The following PLXNA2 variants were observed in gnomAD, a reference collection of about 807,000 sequenced individuals.
PLXNA2 encodes the protein plexin-A2.
PLXNA2 carries 91 observed loss-of-function variants against 193.5 expected under a neutral mutation model. That is an observed-to-expected ratio of 0.47 (90% confidence interval 0.40 to 0.56). PLXNA2 has a LOEUF of 0.56. Among genes scored for constraint, PLXNA2 ranks in the 20% least tolerant of loss-of-function variants. PLXNA2 has a pLI of 0.00. For synonymous variants in PLXNA2, 997 were observed against 1,027.3 expected, an observed-to-expected ratio of 0.97 and a Z score of 0.56; for missense variants, 1,995 against 2,503.2, an observed-to-expected ratio of 0.80 and a Z score of 4.33.
chr1:208,152,279 C>G (rs1668789592), intron 3 of PLXNA2, among the ~76,000 whole-genome samples: 1 of 152,238 alleles, frequency 6.6e-6, no homozygotes, highest in Non-Finnish European at 1.5e-5. Flanking sequence ...AACACACACA[C>G]ACGTGGCATG....
intron 3 of PLXNA2, among the ~76,000 whole-genome samples, chr1:208,186,708 A>ATTTTGTTTTTTGTTTTTTGTTGT (rs368056918): frequency 8.1e-5 from 9 of 111,742 alleles, no homozygotes; most frequent in African/African-American, 2.7e-4. Context: ...TTGCAATGTT[A>ATTTTGTTTTTTGTTTTTTGTTGT]TTTTATTTTT....
chr1:208,051,798 C>A (rs889281367), intron 15 of PLXNA2, among the ~76,000 whole-genome samples: 2 of 152,194 alleles, frequency 1.3e-5, no homozygotes, highest in Admixed American at 1.3e-4. Flanking sequence ...ACAGTCCTTG[C>A]CCTTGTGGAA....
At chr1:208,085,408 C>T (rs1165736664) in intron 9 of PLXNA2, among the ~76,000 whole-genome samples, 4 of 152,164 alleles carry the variant, frequency 2.6e-5, no homozygotes, top group Non-Finnish European at 4.4e-5. Flanking sequence ...ATAGGAGGCT[C>T]CCCTTTCTCT....
chr1:208,084,238 G>T, intron 10 of PLXNA2, 142 bp downstream of exon 10: 2 of 821,484 alleles, frequency 2.4e-6, no homozygotes, highest in Non-Finnish European at 3.8e-6. Context: ...TGGGGTGCTG[G>T]CTGGCTCCTG....
chr1:208,116,611 G>T (rs1295302719), intron 4 of PLXNA2, among the ~76,000 whole-genome samples: 3 of 152,136 alleles, frequency 2.0e-5, no homozygotes, highest in Non-Finnish European at 1.5e-5. Context: ...ATAGCTGTTA[G>T]GGTCAGAAGA....
At chr1:208,116,591 C>T (rs770845067) in intron 4 of PLXNA2, among the ~76,000 whole-genome samples, 8 of 152,108 alleles carry the variant, frequency 5.3e-5, no homozygotes, top group Non-Finnish European at 1.0e-4. Flanking sequence ...TTTGGTGTCA[C>T]GGAAAGGACA....
At chr1:208,030,590 C>T (rs3828020) in intron 29 of PLXNA2, 4 of 985,372 alleles carry the variant, frequency 4.1e-6, no homozygotes, top group South Asian at 4.7e-5. Flanking sequence ...CCACAAGACC[C>T]GGGAGGAGGA....
chr1:208,037,158 A>G (rs1191618249), intron 26 of PLXNA2, among the ~76,000 whole-genome samples: 2 of 152,102 alleles, frequency 1.3e-5, no homozygotes, highest in Non-Finnish European at 2.9e-5. Context: ...CATTTTACAG[A>G]TGAGGAGCCC....
At chr1:208,078,544 C>G (rs571073035) in intron 12 of PLXNA2, among the ~76,000 whole-genome samples, 10 of 152,222 alleles carry the variant, frequency 6.6e-5, no homozygotes, top group South Asian at 4.2e-4. Context: ...CAGGAAAGTG[C>G]AGTTAGTTTC....
intron 2 of PLXNA2, among the ~76,000 whole-genome samples, chr1:208,210,749 A>G (rs1388859120): frequency 6.6e-6 from 1 of 152,200 alleles, no homozygotes; most frequent in Non-Finnish European, 1.5e-5. Context: ...TCAATTTGTA[A>G]AGCTAAGTGC....
At chr1:208,070,080 C>G (rs558987729) in intron 12 of PLXNA2, among the ~76,000 whole-genome samples, 4 of 152,284 alleles carry the variant, frequency 2.6e-5, no homozygotes, top group African/African-American at 9.6e-5. Context: ...TTACACAGCA[C>G]TGCCCCAGGG....
At chr1:208,235,040 G>A (rs892715816) in intron 1 of PLXNA2, among the ~76,000 whole-genome samples, 1 of 152,146 alleles carries the variant, frequency 6.6e-6, no homozygotes, top group Non-Finnish European at 1.5e-5. Flanking sequence ...TTCCATGAAG[G>A]GTTGACTCCC....
chr1:208,174,046 G>C (rs986176130), intron 3 of PLXNA2, among the ~76,000 whole-genome samples: 4 of 152,212 alleles, frequency 2.6e-5, no homozygotes, highest in African/African-American at 4.8e-5. Context: ...AGAGAAGTTG[G>C]TGGAATATGT....
chr1:208,154,389 T>C (rs780852936), intron 3 of PLXNA2, among the ~76,000 whole-genome samples: 22 of 152,156 alleles, frequency 1.4e-4, no homozygotes, highest in Non-Finnish European at 2.9e-4. Flanking sequence ...GCAGCCTCTA[T>C]TCTTCTCCTT....
rs1250909233 is a variant in PLXNA2, at chr1:208,096,836, G to A, written c.1779C>T (p.Ala593=). The change falls in exon 7 of 32, where the codon GCC becomes GCT. Residue 593 remains alanine (A), a synonymous_variant. Transcript: ENST00000367033. ...CCTCTGTCAGGTTCCCAAAGGCACA[G>A]GCGATACCCGCAGATAGATCAGGAG... ...SDAPDLSAGI[A]CAFGNLTEVE... is the part of the protein sequence containing the mutation. 6.2e-7 allele frequency: 1 copy of A among 1,614,094 alleles called. No individual in the cohort carries two copies. The highest frequency in any genetic ancestry group is 8.5e-7 in the Non-Finnish European group (1 of 1,180,018).
At chr1:208,032,535 C>T (rs982295573) in intron 28 of PLXNA2, among the ~76,000 whole-genome samples, 3 of 152,204 alleles carry the variant, frequency 2.0e-5, no homozygotes, top group Admixed American at 6.5e-5. Flanking sequence ...AAGTTGGATG[C>T]CACTGTATTA....
At chr1:208,224,897 G>A (rs988036097) in intron 1 of PLXNA2, among the ~76,000 whole-genome samples, 2 of 152,084 alleles carry the variant, frequency 1.3e-5, no homozygotes, top group African/African-American at 4.8e-5. Context: ...TCATATATGC[G>A]ATTCGTTTCA....
At chr1:208,221,329 T>G (rs866830428) in intron 1 of PLXNA2, among the ~76,000 whole-genome samples, 6 of 152,262 alleles carry the variant, frequency 3.9e-5, no homozygotes, top group Admixed American at 2.6e-4. Flanking sequence ...AGCTGAGGTT[T>G]TTTGCTCCAA....
At chr1:208,177,914 G>A (rs1307029101) in intron 3 of PLXNA2, among the ~76,000 whole-genome samples, 1 of 152,250 alleles carries the variant, frequency 6.6e-6, no homozygotes, top group Non-Finnish European at 1.5e-5. Flanking sequence ...CACTGGGCTA[G>A]ACTTTGCCCG....
Sources: gnomAD v4.1 joint callset for allele counts (sites outside exome capture counted in the v4.1 genomes callset) on GRCh38, gnomAD v4.1.1 for gene constraint, MANE v1.5 for transcripts, NCBI Gene and HGNC (gene_info 2026-07-23, HGNC 2026-07-21) for gene names.